Variants in PCDHA10 observed in about 807,000 individuals in gnomAD.
PCDHA10 encodes the protein protocadherin alpha 10.
In PCDHA10, 45 loss-of-function variants were observed where a neutral mutation model predicts 61.2. The observed-to-expected ratio is 0.74, with a 90% CI of 0.58 to 0.94. The LOEUF (loss-of-function observed/expected upper bound fraction) is 0.94. Among genes scored for constraint, PCDHA10 ranks in the 40% least tolerant of loss-of-function variants. The probability of loss-of-function intolerance (pLI) is 0.00; values close to 1 mark genes in which losing one functional copy is unlikely to be tolerated. For missense variants in PCDHA10, 1,278 were observed against 1,236.2 expected, an observed-to-expected ratio of 1.03 and a Z score of -0.51; for synonymous variants, 602 against 548.8, an observed-to-expected ratio of 1.10 and a Z score of -1.35.
intron 3 of PCDHA10, among the ~76,000 whole-genome samples, chr5:141,007,395 C>CAAAAAAAAAAAA (rs35800918): frequency 6.3e-5 from 6 of 94,866 alleles, no homozygotes; most frequent in Admixed American, 1.2e-4. Flanking sequence ...TACTAAAATA[C>CAAAAAAAAAAAA]AAAAAAAAAA....
intron 3 of PCDHA10, among the ~76,000 whole-genome samples, chr5:141,000,640 C>G (rs2097954123): frequency 6.6e-6 from 1 of 151,256 alleles, no homozygotes; most frequent in South Asian, 2.1e-4. Flanking sequence ...GTTGGGCAGG[C>G]TGGTCTCGAA....
chr5:140,871,300 C>T (rs1562661811), intron 1 of PCDHA10: 4 of 1,613,916 alleles, frequency 2.5e-6, no homozygotes, highest in Non-Finnish European at 3.4e-6. Context: ...CGCGTGCGCG[C>T]CGGGGAAGCC....
At chr5:140,953,580 A>G (rs1053710021) in intron 1 of PCDHA10, among the ~76,000 whole-genome samples, 23 of 151,934 alleles carry the variant, frequency 1.5e-4, no homozygotes, top group Non-Finnish European at 2.4e-4. Context: ...CTCTCCCAAA[A>G]CTGCCTCCTT....
chr5:140,886,328 C>T (rs1554182483), intron 1 of PCDHA10, among the ~76,000 whole-genome samples: 1 of 151,922 alleles, frequency 6.6e-6, no homozygotes, highest in African/African-American at 2.4e-5. Context: ...TTCTGGGATA[C>T]ATGTGCAGAA....
At chr5:140,921,287 A>C (rs1563045357) in intron 1 of PCDHA10, among the ~76,000 whole-genome samples, 1 of 152,210 alleles carries the variant, frequency 6.6e-6, no homozygotes. Flanking sequence ...AAAAAACCTC[A>C]AATTTGCTGA....
intron 1 of PCDHA10, among the ~76,000 whole-genome samples, chr5:140,908,703 C>T (rs751488038): frequency 5.9e-5 from 9 of 152,318 alleles, no homozygotes; most frequent in Non-Finnish European, 1.3e-4. Flanking sequence ...ACCTCAAGCA[C>T]CATTGGATCT....
intron 1 of PCDHA10, among the ~76,000 whole-genome samples, chr5:140,907,439 A>G (rs1217956706): frequency 6.6e-6 from 1 of 152,250 alleles, no homozygotes; most frequent in Admixed American, 6.5e-5. Context: ...CTGTGAGTCC[A>G]CAGATGGTAA....
At chr5:140,959,269 C>A (rs1334380683) in intron 1 of PCDHA10, among the ~76,000 whole-genome samples, 1 of 151,924 alleles carries the variant, frequency 6.6e-6, no homozygotes, top group Non-Finnish European at 1.5e-5. Flanking sequence ...CCCAGCTACC[C>A]AGGAGCCTGA....
At chr5:140,937,911 CAAA>C (rs200797202) in intron 1 of PCDHA10, among the ~76,000 whole-genome samples, 2 of 117,898 alleles carry the variant, frequency 1.7e-5, no homozygotes, top group Non-Finnish European at 1.9e-5. Context: ...GACTCCGTCT[CAAA>C]AAAAAAAAAA....
Position 140,886,556 on chromosome 5 carries a change from G to A in PCDHA10, c.2388+28120G>A, listed in dbSNP as rs368447778. On this transcript the variant is annotated intron_variant, in intron 1 of 3. Coordinates refer to ENST00000307360, the MANE Select transcript of PCDHA10 (RefSeq NM_018901.4). ...TAGAAAGGTCTTCCCAGCTGGGCACGGTGGCTCACGCCTGTAATCCCAGCA... is the reference window on the plus strand; with the variant it reads ...TAGAAAGGTCTTCCCAGCTGGGCACAGTGGCTCACGCCTGTAATCCCAGCA... Among the ~76,000 whole-genome samples, 30 of 151,832 alleles carry A rather than the reference G, an allele frequency of 2.0e-4. No individual in the cohort carries two copies. The East Asian group carries it at 5.5e-3, about 28-fold the overall frequency.
At chr5:140,860,671 T>G (rs1339790199) in intron 1 of PCDHA10, 4 of 152,218 alleles carry the variant, frequency 2.6e-5, no homozygotes, top group Non-Finnish European at 2.9e-5. Flanking sequence ...TGAAATCAAA[T>G]GCACTTATGT....
At chr5:140,864,250 T>G (rs2048388075) in intron 1 of PCDHA10, 1 of 152,242 alleles carries the variant, frequency 6.6e-6, no homozygotes, top group Non-Finnish European at 1.5e-5. Flanking sequence ...ATTCATTTTC[T>G]TATTCTGATT....
intron 1 of PCDHA10, chr5:140,926,540 T>G: frequency 4.6e-6 from 1 of 215,362 alleles, no homozygotes; most frequent in Non-Finnish European, 9.1e-6. Context: ...GCCAGCGTGG[T>G]GGTCGAGACC....
intron 1 of PCDHA10, among the ~76,000 whole-genome samples, chr5:140,903,753 A>ACTTGATGACCCATAGTCAAATGTTCAG (rs2070561730): frequency 2.0e-5 from 3 of 152,186 alleles, no homozygotes; most frequent in Non-Finnish European, 4.4e-5. Flanking sequence ...GTTTCCCTTG[A>ACTTGATGACCCATAGTCAAATGTTCAG]TTTTTGCTGA....
At chr5:140,870,570 G>A in intron 1 of PCDHA10, 1 of 1,613,972 alleles carries the variant, frequency 6.2e-7, no homozygotes, top group Non-Finnish European at 8.5e-7. Flanking sequence ...ACGCGCTGGT[G>A]TCCTACTCGC....
chr5:140,862,656 C>T, intron 1 of PCDHA10: 1 of 545,296 alleles, frequency 1.8e-6, no homozygotes, highest in Admixed American at 1.9e-5. Flanking sequence ...CCGCGCGGGA[C>T]CGGGACGCGC....
chr5:140,917,853 G>A (rs1187603480), intron 1 of PCDHA10, among the ~76,000 whole-genome samples: 1 of 151,906 alleles, frequency 6.6e-6, no homozygotes, highest in African/African-American at 2.4e-5. Flanking sequence ...TTTTTGCTTA[G>A]GATTGCTTTG....
At chr5:140,863,360 G>T in intron 1 of PCDHA10, 1 of 1,206,130 alleles carries the variant, frequency 8.3e-7, no homozygotes, top group Non-Finnish European at 1.2e-6. Context: ...ACGCTGCGGT[G>T]CTTGGCGCAG....
At chr5:140,914,033 G>A (rs1192515722) in intron 1 of PCDHA10, among the ~76,000 whole-genome samples, 1 of 152,138 alleles carries the variant, frequency 6.6e-6, no homozygotes, top group Non-Finnish European at 1.5e-5. Context: ...GTGCTGAGAA[G>A]AATGTGTATT....
Sources: gnomAD v4.1 joint callset for allele counts (sites outside exome capture counted in the v4.1 genomes callset) on GRCh38, gnomAD v4.1.1 for gene constraint, MANE v1.5 for transcripts, NCBI Gene and HGNC (gene_info 2026-07-23, HGNC 2026-07-21) for gene names.